Variants in ZNF675 observed in about 807,000 individuals in gnomAD.
ZNF675 encodes the protein zinc finger protein 675.
In ZNF675, 36 loss-of-function variants were observed where a neutral mutation model predicts 56.1. The ratio of observed to expected loss-of-function variants is 0.64; its 90% CI spans 0.49 to 0.85. The LOEUF is 0.85. Among genes scored for constraint, ZNF675 ranks in the 40% least tolerant of loss-of-function variants. The pLI is 0.00. For missense variants in ZNF675, 663 were observed against 654.2 expected, an observed-to-expected ratio of 1.01 and a Z score of -0.15; for synonymous variants, 200 against 218.9, an observed-to-expected ratio of 0.91 and a Z score of 0.76.
chr19:23,666,782 TTC>T (rs761388259), intron 1 of ZNF675, among the ~76,000 whole-genome samples: 1 of 63,438 alleles, frequency 1.6e-5, no homozygotes. Context: ...CTTTTTCTCT[TTC>T]TCTCTCTTTC....
At chr19:23,677,547 A>G (rs2144794445) in intron 1 of ZNF675, among the ~76,000 whole-genome samples, 1 of 150,806 alleles carries the variant, frequency 6.6e-6, no homozygotes, top group African/African-American at 2.5e-5. Context: ...CTCTACTAAA[A>G]ATACAAAAAT....
chr19:23,685,591 A>T (rs571403251), intron 1 of ZNF675, among the ~76,000 whole-genome samples: 1 of 152,256 alleles, frequency 6.6e-6, no homozygotes, highest in South Asian at 2.1e-4. Flanking sequence ...TGAGGCGAAA[A>T]GATTTTTTAC....
In ZNF675 at chr19:23,685,522, A is replaced by C. The variant is rs75818314; in HGVS notation, c.3+1509T>G. On this transcript the variant is annotated intron_variant, in intron 1 of 3. Coordinates refer to ENST00000359788, the MANE Select transcript of ZNF675 (RefSeq NM_138330.3). ...CATCACCCATAAAGTTTCCAAAGGGAAACCTTGACCCAAAAATATTCTGAT... is the reference window on the plus strand; with the variant it reads ...CATCACCCATAAAGTTTCCAAAGGGCAACCTTGACCCAAAAATATTCTGAT... Among the ~76,000 whole-genome samples, 679 of 152,346 alleles carry C rather than the reference A, an allele frequency of 4.5e-3. 23 individuals are homozygous for C. The East Asian group carries it at 0.087, about 19-fold the overall frequency.
At position 23,653,538 on chromosome 19, in the gene ZNF675, T is replaced by C. The variant is rs762132264; in HGVS notation, c.1395A>G (p.Ser465=). 1.2e-6 allele frequency: 2 copies of C among 1,613,406 alleles called. No individual in the cohort carries two copies. The highest frequency in any genetic ancestry group is 1.7e-6 in the Non-Finnish European group (2 of 1,179,804). ...GAATTTTCTTATGTTCAGTAAGTTT[T>C]GAGGATTGGATAAAAGCTTTGCCAC... The part of the protein sequence containing the change: ...EECGKAFIQS[S]KLTEHKKIHS... Residue 465 remains serine, a synonymous_variant, in exon 4 of 4, where the codon TCA becomes TCG. Coordinates refer to ENST00000359788, the MANE Select transcript of ZNF675 (RefSeq NM_138330.3).
intron 1 of ZNF675, among the ~76,000 whole-genome samples, chr19:23,676,212 T>C (rs1036814078): frequency 6.6e-6 from 1 of 151,648 alleles, no homozygotes; most frequent in African/African-American, 2.4e-5. Context: ...TAATAATAAG[T>C]AGCCTACCAA....
At chr19:23,684,024 G>C (rs1968410760) in intron 1 of ZNF675, among the ~76,000 whole-genome samples, 1 of 152,110 alleles carries the variant, frequency 6.6e-6, no homozygotes, top group African/African-American at 2.4e-5. Flanking sequence ...CACTTTGGGA[G>C]GCTGAGGAGG....
intron 3 of ZNF675, among the ~76,000 whole-genome samples, chr19:23,658,065 A>T (rs921517553): frequency 6.6e-6 from 1 of 152,220 alleles, no homozygotes; most frequent in Non-Finnish European, 1.5e-5. Flanking sequence ...TGTACCATTA[A>T]AAATGATGTG....
intron 3 of ZNF675, among the ~76,000 whole-genome samples, chr19:23,660,851 G>T (rs1599411689): frequency 6.6e-6 from 1 of 151,396 alleles, no homozygotes; most frequent in East Asian, 1.9e-4. Flanking sequence ...AAATTTAAAT[G>T]AAACTATGAT....
At chr19:23,684,420 G>A (rs185952818) in intron 1 of ZNF675, among the ~76,000 whole-genome samples, 3 of 152,030 alleles carry the variant, frequency 2.0e-5, no homozygotes, top group African/African-American at 2.4e-5. Context: ...CAAGAGGGGC[G>A]GATCACCTGA....
chr19:23,674,656 A>C (rs7249018), intron 1 of ZNF675, among the ~76,000 whole-genome samples: 145,545 of 149,944 alleles, frequency 0.97, 70,935 homozygotes, highest in Middle Eastern at 1. Flanking sequence ...AATATTCTTT[A>C]TTATTTTCAG....
At position 23,663,095 on chromosome 19, in the gene ZNF675, T is replaced by G. The variant is rs762039901; in HGVS notation, c.67A>C (p.Thr23Pro). ...FSLEEWQCLD[T>P]AQRNLYKNVI... ...TTTTTATATAAATTCCGCTGTGCAG[T>G]GTCCAGGCATTGCCATTCTTCCAGA... The change falls in exon 2 of 4, where the codon ACT becomes CCT. Residue 23 changes from threonine (T) to proline (P), a missense_variant. Physicochemically the swap from Thr to Pro is conservative, Grantham distance 38 (BLOSUM62 -1). Coordinates refer to ENST00000359788, the MANE Select transcript of ZNF675 (RefSeq NM_138330.3). 6.2e-6 allele frequency: 10 copies of G among 1,610,488 alleles called. No homozygotes were observed. The highest frequency in any genetic ancestry group is 8.5e-6 in the Non-Finnish European group (10 of 1,178,518).
intron 1 of ZNF675, among the ~76,000 whole-genome samples, chr19:23,666,638 G>C (rs1292390931): frequency 1.3e-5 from 2 of 152,186 alleles, no homozygotes; most frequent in Non-Finnish European, 2.9e-5. Flanking sequence ...AAAAGGCCAA[G>C]AATCTGGACA....
intron 1 of ZNF675, among the ~76,000 whole-genome samples, chr19:23,670,149 A>T (rs1346748548): frequency 6.6e-6 from 1 of 151,714 alleles, no homozygotes; most frequent in Non-Finnish European, 1.5e-5. Context: ...ACTGTGGGGA[A>T]CTCTATTTCC....
At chr19:23,657,066 CTGGGACCACAGG>C (rs1967995278) in intron 3 of ZNF675, 1 of 152,128 alleles carries the variant, frequency 6.6e-6, no homozygotes, top group Non-Finnish European at 1.5e-5. Flanking sequence ...TCCCAAAAAG[CTGGGACCACAGG>C]TGCACACCAC....
intron 1 of ZNF675, among the ~76,000 whole-genome samples, chr19:23,685,408 G>A (rs766849981): frequency 5.9e-4 from 90 of 152,122 alleles, no homozygotes; most frequent in Admixed American, 5.2e-4. Flanking sequence ...CTAGACACTC[G>A]AGCAGACATA....
At chr19:23,671,729 T>C (rs2144941294) in intron 1 of ZNF675, among the ~76,000 whole-genome samples, 1 of 151,760 alleles carries the variant, frequency 6.6e-6, no homozygotes, top group Non-Finnish European at 1.5e-5. Flanking sequence ...TAGTCTAGAC[T>C]AAAAGTTCCC....
At chr19:23,684,089 G>A (rs1328041783) in intron 1 of ZNF675, among the ~76,000 whole-genome samples, 12 of 150,756 alleles carry the variant, frequency 8.0e-5, no homozygotes, top group Admixed American at 6.6e-4. Context: ...GTGAAACCCC[G>A]TCTCTACTAA....
At chr19:23,682,904 G>A (rs896398211) in intron 1 of ZNF675, among the ~76,000 whole-genome samples, 2 of 151,630 alleles carry the variant, frequency 1.3e-5, no homozygotes, top group African/African-American at 4.9e-5. Flanking sequence ...AAGTTATGTA[G>A]TAGGCCGGGC....
chr19:23,669,624 A>C (rs1968203120), intron 1 of ZNF675, among the ~76,000 whole-genome samples: 1 of 152,146 alleles, frequency 6.6e-6, no homozygotes, highest in African/African-American at 2.4e-5. Context: ...CTGTAATCCC[A>C]GCACTTTGAG....
Sources: allele counts gnomAD v4.1 joint callset (sites outside exome capture counted in the v4.1 genomes callset), GRCh38; gene constraint gnomAD v4.1.1; transcripts MANE v1.5; gene names NCBI Gene and HGNC (gene_info 2026-07-23, HGNC 2026-07-21).